THSD7A: variants seen among roughly 807,000 people sequenced by gnomAD.
The protein encoded by THSD7A is thrombospondin type 1 domain containing 7A.
A neutral mutation model predicts 231.3 loss-of-function variants in THSD7A; 96 were observed. The ratio of observed to expected loss-of-function variants is 0.41; its 90% CI spans 0.35 to 0.49. The LOEUF is 0.49. Ranked by LOEUF, THSD7A falls within the 20% of genes least tolerant of loss-of-function variation. The probability of loss-of-function intolerance (pLI) is 0.05; values close to 1 mark genes in which losing one functional copy is unlikely to be tolerated. For missense variants in THSD7A, 2,290 were observed against 2,070.2 expected, an observed-to-expected ratio of 1.11 and a Z score of -2.06; for synonymous variants, 940 against 743.3, an observed-to-expected ratio of 1.26 and a Z score of -4.30.
chr7:11,671,240 G>C (rs1443496969), intron 1 of THSD7A, among the ~76,000 whole-genome samples: 1 of 152,126 alleles, frequency 6.6e-6, no homozygotes, highest in Non-Finnish European at 1.5e-5. Flanking sequence ...CTAATGGCCA[G>C]CTCCTTTGAT....
At chr7:11,755,945 GT>G (rs1782660554) in intron 1 of THSD7A, among the ~76,000 whole-genome samples, 2 of 152,136 alleles carry the variant, frequency 1.3e-5, no homozygotes, top group Admixed American at 1.3e-4. Flanking sequence ...TCTAAAAGTA[GT>G]TCTGAAAAGA....
intron 1 of THSD7A, among the ~76,000 whole-genome samples, chr7:11,830,144 C>G (rs1213278321): frequency 6.6e-6 from 1 of 152,204 alleles, no homozygotes; most frequent in East Asian, 1.9e-4. Context: ...GAGCTTCCCA[C>G]TATTTTAAAC....
chr7:11,820,778 G>A, intron 1 of THSD7A: 1 of 1,201,288 alleles, frequency 8.3e-7, no homozygotes, highest in South Asian at 1.2e-5. Context: ...TGACCGGGAG[G>A]AAGAGGAGGA....
At chr7:11,821,256 C>A in intron 1 of THSD7A, 1 of 1,110,648 alleles carries the variant, frequency 9.0e-7, no homozygotes, top group Admixed American at 1.7e-5. Flanking sequence ...TACGCTGAGA[C>A]TGAGCTGACT....
rs1471639256 is a variant in THSD7A, at chr7:11,832,072, A to G, written c.-126T>C. On this transcript the variant is annotated 5_prime_UTR_variant, in exon 1 of 28. Transcript: ENST00000423059. ...TCTTTCCTGCTATTGTTCGCTTCAG[A>G]TGAGAAGGAGGGAGAGCGCGTCTAA... 1 of 625,338 alleles carries G rather than the reference A, an allele frequency of 1.6e-6. No homozygotes were observed. The highest frequency in any genetic ancestry group is 2.2e-6 in the Non-Finnish European group (1 of 448,646). The allele number at this position is 625,338 out of a possible 1,614,324, so 38.7% of individuals were successfully genotyped here. A position where few individuals can be genotyped will look rare whatever the true frequency, so the allele number is the denominator to read the frequency against.
At chr7:11,601,329 G>C (rs1780543429) in intron 2 of THSD7A, among the ~76,000 whole-genome samples, 1 of 152,106 alleles carries the variant, frequency 6.6e-6, no homozygotes, top group African/African-American at 2.4e-5. Flanking sequence ...CCTGATAAAA[G>C]AAGAATGACA....
chr7:11,683,654 C>T (rs1783954552), intron 1 of THSD7A, among the ~76,000 whole-genome samples: 1 of 151,822 alleles, frequency 6.6e-6, no homozygotes. Context: ...ATACAAACAG[C>T]CTCCCAAAAT....
Position 11,474,314 on chromosome 7 carries a change from T to C in THSD7A, c.2252+20A>G. 1 of 1,591,302 alleles carries C rather than the reference T, an allele frequency of 6.3e-7. No individual in the cohort carries two copies. The highest frequency in any genetic ancestry group is 8.6e-7 in the Non-Finnish European group (1 of 1,166,276). ...CACAGGTGGCTACACGATTTACTGTTGTCATTCTAAAGCTCTTACTTTTTG... is the reference window on the plus strand; with the variant it reads ...CACAGGTGGCTACACGATTTACTGTCGTCATTCTAAAGCTCTTACTTTTTG... On this transcript the variant is annotated intron_variant, in intron 8 of 27. Coordinates refer to ENST00000423059, the MANE Select transcript of THSD7A (RefSeq NM_015204.3). The surrounding 1 kb of genome is among the most constrained non-coding windows in gnomAD (Gnocchi z 4.1).
chr7:11,423,461 C>T (rs747095922), intron 16 of THSD7A, among the ~76,000 whole-genome samples: 10 of 150,922 alleles, frequency 6.6e-5, no homozygotes, highest in Admixed American at 2.0e-4. Flanking sequence ...CTCCGCCTCC[C>T]GGGTTCACGC....
At chr7:11,643,742 T>A (rs140845409) in intron 1 of THSD7A, among the ~76,000 whole-genome samples, 4 of 152,162 alleles carry the variant, frequency 2.6e-5, no homozygotes, top group African/African-American at 9.6e-5. Context: ...TTCTAACTGA[T>A]GTTCTATCGC....
chr7:11,475,003 A>G (rs1786098918), intron 7 of THSD7A, among the ~76,000 whole-genome samples: 1 of 152,154 alleles, frequency 6.6e-6, no homozygotes, highest in South Asian at 2.1e-4. Context: ...GACAGAAGGA[A>G]AAGAGAATAG....
intron 9 of THSD7A, 115 bp downstream of exon 9, chr7:11,469,764 A>G: frequency 1.6e-6 from 1 of 629,582 alleles, no homozygotes; most frequent in Non-Finnish European, 2.8e-6. Context: ...TGCATGTCAA[A>G]TCAGGTTTAC....
intron 2 of THSD7A, among the ~76,000 whole-genome samples, chr7:11,604,742 T>C (rs1252511797): frequency 1.3e-5 from 2 of 152,140 alleles, no homozygotes; most frequent in Non-Finnish European, 2.9e-5. Context: ...AGCAAATTTC[T>C]GGCAGTTTAT....
intron 6 of THSD7A, among the ~76,000 whole-genome samples, chr7:11,488,421 AG>A (rs1786752349): frequency 6.6e-6 from 1 of 152,124 alleles, no homozygotes; most frequent in Non-Finnish European, 1.5e-5. Flanking sequence ...TAAGGTATGT[AG>A]GTCCAGAATC....
intron 6 of THSD7A, among the ~76,000 whole-genome samples, chr7:11,489,840 AC>A (rs1282730698): frequency 6.6e-6 from 1 of 151,712 alleles, no homozygotes; most frequent in Non-Finnish European, 1.5e-5. Flanking sequence ...ACTTTAACAA[AC>A]CCTTGATATT....
chr7:11,463,572 T>C (rs1785583861), intron 9 of THSD7A, among the ~76,000 whole-genome samples: 1 of 152,170 alleles, frequency 6.6e-6, no homozygotes, highest in Non-Finnish European at 1.5e-5. Context: ...CTTTTTAGAA[T>C]TATTATTCCC....
chr7:11,806,569 T>A (rs1197767847), intron 1 of THSD7A, among the ~76,000 whole-genome samples: 2 of 152,188 alleles, frequency 1.3e-5, no homozygotes, highest in African/African-American at 2.4e-5. Context: ...TCTACACATT[T>A]ACACTGCCTG....
Position 11,382,509 on chromosome 7 carries a change from C to A in THSD7A, c.4507+12G>T, listed in dbSNP as rs1194354335. On this transcript the variant is annotated intron_variant, in intron 24 of 27. Coordinates refer to ENST00000423059, the MANE Select transcript of THSD7A (RefSeq NM_015204.3). The stretch of plus-strand genomic sequence containing the variant: ...AAGATTTTCAAAGGACAAAGAGAAA[C>A]TGGAGGTTTACCTGTTACATTTATA... 1.2e-6 allele frequency: 2 copies of A among 1,603,750 alleles called. No homozygotes were observed. Among genetic ancestry groups the A allele is most frequent in the Admixed American group, 3.4e-5 (2 of 59,674 alleles).
At chr7:11,452,640 G>A (rs991614215) in intron 11 of THSD7A, among the ~76,000 whole-genome samples, 1 of 151,966 alleles carries the variant, frequency 6.6e-6, no homozygotes, top group African/African-American at 2.4e-5. Context: ...GATCTGGGAA[G>A]GGTTAACTGC....
Sources: allele counts gnomAD v4.1 joint callset (sites outside exome capture counted in the v4.1 genomes callset), GRCh38; gene constraint gnomAD v4.1.1; non-coding constraint Gnocchi (gnomAD v3.1); transcripts MANE v1.5; gene names NCBI Gene and HGNC (gene_info 2026-07-23, HGNC 2026-07-21).